Variants in ANKRD30BL observed in about 807,000 individuals in gnomAD.
ANKRD30BL encodes the protein putative ankyrin repeat domain-containing protein 30B-like.
A neutral mutation model predicts 18.4 loss-of-function variants in ANKRD30BL; 20 were observed. That is an observed-to-expected ratio of 1.09 (90% CI 0.77 to 1.58). The LOEUF (loss-of-function observed/expected upper bound fraction) is 1.58, where lower values mean the gene tolerates loss of function less well. Among genes scored for constraint, ANKRD30BL ranks in the 40% most tolerant of loss-of-function variants. The pLI is 0.00. For synonymous variants in ANKRD30BL, 72 were observed against 100.9 expected (o/e 0.71, Z 1.72); for missense variants, 224 against 268.6 (o/e 0.83, Z 1.16).
At chr2:132,153,253 C>T (rs1428997852) in intron 4 of ANKRD30BL, among the ~76,000 whole-genome samples, 1 of 152,138 alleles carries the variant, frequency 6.6e-6, no homozygotes, top group Non-Finnish European at 1.5e-5. Flanking sequence ...TGGAAGACAG[C>T]CCCCTGGGGA....
intron 1 of ANKRD30BL, among the ~76,000 whole-genome samples, chr2:132,220,572 G>C (rs1354780571): frequency 6.6e-6 from 1 of 152,000 alleles, no homozygotes; most frequent in Non-Finnish European, 1.5e-5. Context: ...CGCTGTGTTG[G>C]CCAGGCCGGT....
chr2:132,241,522 A>G (rs1262642179), intron 1 of ANKRD30BL, among the ~76,000 whole-genome samples: 1 of 151,754 alleles, frequency 6.6e-6, no homozygotes, highest in Non-Finnish European at 1.5e-5. Flanking sequence ...TCTTCACATA[A>G]TAACTAGTTA....
Position 132,184,229 on chromosome 2 carries a change from T to C in ANKRD30BL, n.442-27083A>G, listed in dbSNP as rs538404919. Among the ~76,000 whole-genome samples, 167 of 152,260 alleles carry C rather than the reference T, an allele frequency of 1.1e-3. 1 individual carries two copies. The highest frequency in any genetic ancestry group is 3.9e-3 in the African/African-American group (164 of 41,568). On this transcript the variant is annotated intron_variant and non_coding_transcript_variant, in intron 1 of 4. Transcript: ENST00000470729. ...CTTGGATTACAGGCACCTGCCACCA[T>C]GCCTGGCTAATTTTTTTGTGTCTGC...
chr2:132,152,839 T>C (rs901720951), intron 4 of ANKRD30BL: 1 of 152,146 alleles, frequency 6.6e-6, no homozygotes, highest in African/African-American at 2.4e-5. Flanking sequence ...GGCTAAGATG[T>C]GGGTTTCACA....
chr2:132,187,969 C>G (rs974662481), intron 1 of ANKRD30BL, among the ~76,000 whole-genome samples: 1 of 152,138 alleles, frequency 6.6e-6, no homozygotes, highest in Non-Finnish European at 1.5e-5. Flanking sequence ...TGGCTGGTCT[C>G]GAACTAACCT....
At chr2:132,226,421 T>G (rs983931301) in intron 1 of ANKRD30BL, among the ~76,000 whole-genome samples, 5 of 150,846 alleles carry the variant, frequency 3.3e-5, no homozygotes, top group Non-Finnish European at 7.4e-5. Flanking sequence ...CTCACAGAGT[T>G]GAAACTTCCT....
intron 1 of ANKRD30BL, among the ~76,000 whole-genome samples, chr2:132,170,040 A>AT (rs1432897749): frequency 1.3e-5 from 2 of 152,204 alleles, no homozygotes; most frequent in African/African-American, 4.8e-5. Flanking sequence ...GGAACTGTGT[A>AT]TTAATTACAC....
intron 1 of ANKRD30BL, among the ~76,000 whole-genome samples, chr2:132,174,791 T>A (rs1688333392): frequency 6.6e-6 from 1 of 152,322 alleles, no homozygotes; most frequent in East Asian, 1.9e-4. Flanking sequence ...GTATCAGTGT[T>A]CTCTAGATGT....
intron 1 of ANKRD30BL, 136 bp from the exon 2 acceptor site, chr2:132,157,559 AACT>A: frequency 2.3e-6 from 1 of 442,512 alleles, no homozygotes; most frequent in Non-Finnish European, 4.1e-6. Flanking sequence ...CTCCTGAAGA[AACT>A]ACAATATTCC....
At chr2:132,203,135 C>A (rs1679141518) in intron 1 of ANKRD30BL, among the ~76,000 whole-genome samples, 1 of 152,294 alleles carries the variant, frequency 6.6e-6, no homozygotes, top group Non-Finnish European at 1.5e-5. Flanking sequence ...ACTTAAAAGG[C>A]AGGTGGAGGA....
At chr2:132,188,121 C>A (rs570131959) in intron 1 of ANKRD30BL, among the ~76,000 whole-genome samples, 2 of 152,192 alleles carry the variant, frequency 1.3e-5, no homozygotes, top group African/African-American at 4.8e-5. Context: ...ATTTTCTGTG[C>A]TGTAAGTATT....
At chr2:132,178,406 G>A (rs1490131323) in intron 1 of ANKRD30BL, among the ~76,000 whole-genome samples, 1 of 152,186 alleles carries the variant, frequency 6.6e-6, no homozygotes, top group Admixed American at 6.5e-5. Flanking sequence ...GGGCATGGTA[G>A]GAAATTCCAG....
At chr2:132,180,137 T>C (rs943564191) in intron 1 of ANKRD30BL, among the ~76,000 whole-genome samples, 2 of 151,984 alleles carry the variant, frequency 1.3e-5, no homozygotes, top group African/African-American at 4.8e-5. Flanking sequence ...GCCTTCATAT[T>C]CACTCACCAC....
intron 1 of ANKRD30BL, among the ~76,000 whole-genome samples, chr2:132,212,351 C>T (rs543081685): frequency 6.6e-6 from 1 of 151,940 alleles, no homozygotes; most frequent in South Asian, 2.1e-4. Flanking sequence ...GTGATATGTG[C>T]ATGCATCTCA....
At chr2:132,228,765 A>G (rs926432292) in intron 1 of ANKRD30BL, among the ~76,000 whole-genome samples, 2 of 145,384 alleles carry the variant, frequency 1.4e-5, no homozygotes, top group Non-Finnish European at 2.9e-5. Context: ...AGAAAAGGAA[A>G]TATCTTCACA....
At chr2:132,205,896 C>T (rs1679202891) in intron 1 of ANKRD30BL, among the ~76,000 whole-genome samples, 1 of 152,094 alleles carries the variant, frequency 6.6e-6, no homozygotes, top group South Asian at 2.1e-4. Flanking sequence ...CACAGTGGCT[C>T]ATGCCTGTAA....
intron 1 of ANKRD30BL, among the ~76,000 whole-genome samples, chr2:132,198,721 G>T (rs1468857237): frequency 6.6e-6 from 1 of 151,204 alleles, no homozygotes; most frequent in Non-Finnish European, 1.5e-5. Context: ...AGGTTCAAGC[G>T]ATTTTCCTGC....
chr2:132,253,926 G>A (rs769690347), intron 1 of ANKRD30BL, among the ~76,000 whole-genome samples: 26 of 152,002 alleles, frequency 1.7e-4, no homozygotes, highest in Non-Finnish European at 3.4e-4. Context: ...TGGTGGCAGC[G>A]GCAGCGATGG....
intron 1 of ANKRD30BL, among the ~76,000 whole-genome samples, chr2:132,194,041 T>C (rs907185630): frequency 6.4e-5 from 8 of 124,160 alleles, no homozygotes; most frequent in African/African-American, 2.8e-4. Context: ...TTTCTCTCTC[T>C]CTCTCTCTCT....
Sources: allele counts gnomAD v4.1 joint callset (sites outside exome capture counted in the v4.1 genomes callset), GRCh38; gene constraint gnomAD v4.1.1; transcripts MANE v1.5; gene names NCBI Gene and HGNC (gene_info 2026-07-23, HGNC 2026-07-21).